Variants in NTNG1 observed in about 807,000 individuals in gnomAD.
NTNG1 encodes the protein netrin G1.
NTNG1 carries 16 observed loss-of-function variants against 54.0 expected under a neutral mutation model. The observed-to-expected ratio is 0.30, with a 90% confidence interval of 0.20 to 0.45. The LOEUF (loss-of-function observed/expected upper bound fraction) is 0.45, where lower values mean the gene tolerates loss of function less well. Among genes scored for constraint, NTNG1 ranks in the 20% least tolerant of loss-of-function variants. The pLI, the probability that NTNG1 is intolerant of heterozygous loss-of-function variation, is 1.00. For missense variants in NTNG1, 530 were observed against 678.7 expected (o/e 0.78, Z 2.43); for synonymous variants, 255 against 263.1 (o/e 0.97, Z 0.30).
intron 2 of NTNG1, among the ~76,000 whole-genome samples, chr1:107,243,754 T>C (rs1661997100): frequency 6.6e-6 from 1 of 152,116 alleles, no homozygotes; most frequent in South Asian, 2.1e-4. Flanking sequence ...AGGAGCTATG[T>C]CTCAACAGAC....
intron 2 of NTNG1, among the ~76,000 whole-genome samples, chr1:107,249,052 G>C (rs72983527): frequency 0.26 from 38,985 of 150,708 alleles, 5,260 homozygotes; most frequent in East Asian, 0.42. Context: ...TCAGCTTCTT[G>C]GGAGGCTGAG....
intron 2 of NTNG1, among the ~76,000 whole-genome samples, chr1:107,210,450 C>T (rs962464902): frequency 6.6e-6 from 1 of 152,176 alleles, no homozygotes; most frequent in East Asian, 1.9e-4. Flanking sequence ...TTGGGCCACT[C>T]GAGGATGAAG....
At chr1:107,375,327 T>G (rs1040957668) in intron 3 of NTNG1, among the ~76,000 whole-genome samples, 11 of 152,202 alleles carry the variant, frequency 7.2e-5, no homozygotes, top group Non-Finnish European at 7.3e-5. Flanking sequence ...CTCATCTCAT[T>G]TGTTTTCTGC....
At chr1:107,239,831 A>G (rs1048070173) in intron 2 of NTNG1, among the ~76,000 whole-genome samples, 1 of 152,224 alleles carries the variant, frequency 6.6e-6, no homozygotes, top group African/African-American at 2.4e-5. Flanking sequence ...GGATCTCAAT[A>G]TGAAATGAAT....
chr1:107,148,404 A>G lies in NTNG1; in HGVS notation c.-190A>G. 1.7e-6 allele frequency: 1 copy of G among 581,384 alleles called. No individual in the cohort carries two copies. 36.0% of individuals were successfully genotyped at this position (581,384 alleles called of 1,614,324 possible). A position where few individuals can be genotyped will look rare whatever the true frequency, so the allele number is the denominator to read the frequency against. On this transcript the variant is annotated 5_prime_UTR_variant, in exon 2 of 8. Transcript: ENST00000370068. ...TCCTCAATATACCTGAATACGCACA[A>G]TATCTTAACTCTTCATATTTGGTTT...
chr1:107,217,126 G>T (rs552576701), intron 2 of NTNG1, among the ~76,000 whole-genome samples: 1 of 149,404 alleles, frequency 6.7e-6, no homozygotes, highest in South Asian at 2.1e-4. Flanking sequence ...TCTGCTGCTT[G>T]TTATTGGTCT....
At chr1:107,472,466 C>T (rs1678045938) in intron 7 of NTNG1, among the ~76,000 whole-genome samples, 1 of 152,200 alleles carries the variant, frequency 6.6e-6, no homozygotes, top group African/African-American at 2.4e-5. Context: ...TCATGTGCAG[C>T]TCCACTGTGG....
At chr1:107,297,156 ACAT>A (rs1424330161) in intron 2 of NTNG1, among the ~76,000 whole-genome samples, 5 of 144,854 alleles carry the variant, frequency 3.5e-5, no homozygotes, top group African/African-American at 1.3e-4. Context: ...TATATATATA[ACAT>A]CATATATATA....
At chr1:107,150,665 G>A (rs1654494931) in intron 2 of NTNG1, among the ~76,000 whole-genome samples, 1 of 152,098 alleles carries the variant, frequency 6.6e-6, no homozygotes, top group Admixed American at 6.6e-5. Context: ...TGATTTGTGG[G>A]TGCAGCTTCC....
At chr1:107,373,560 G>A (rs866037730) in intron 3 of NTNG1, among the ~76,000 whole-genome samples, 1 of 143,846 alleles carries the variant, frequency 7.0e-6, no homozygotes, top group Non-Finnish European at 1.5e-5. Context: ...GCAGAATTCC[G>A]TATGTTATCC....
rs565397591 is a variant in NTNG1 at position 107,301,009 on chromosome 1, G to T, written c.247-23273G>T. Among the ~76,000 whole-genome samples, 7 of 151,712 alleles carry T rather than the reference G, an allele frequency of 4.6e-5. No individual in the cohort carries two copies. In the East Asian group the frequency reaches 1.4e-3, roughly 29 times the overall value. ...TCTTTTTTTCTACCTAAAAGCTTAT[G>T]ACTTTTTGACATCAGTACTTTATTT... is the stretch of plus-strand genomic sequence containing the variant. On this transcript the variant is annotated intron_variant, in intron 2 of 7. Coordinates refer to ENST00000370068, the MANE Select transcript of NTNG1 (RefSeq NM_001113226.3).
At chr1:107,295,940 T>C (rs1415221067) in intron 2 of NTNG1, among the ~76,000 whole-genome samples, 1 of 152,126 alleles carries the variant, frequency 6.6e-6, no homozygotes, top group Non-Finnish European at 1.5e-5. Flanking sequence ...CAGTCTCTTG[T>C]AACTTCATAT....
At chr1:107,184,462 C>A (rs1444262377) in intron 2 of NTNG1, among the ~76,000 whole-genome samples, 3 of 152,120 alleles carry the variant, frequency 2.0e-5, no homozygotes, top group African/African-American at 7.2e-5. Flanking sequence ...GTAGTTTTCT[C>A]ACCCTGCTTC....
At chr1:107,424,541 G>C (rs1674769169) in intron 5 of NTNG1, among the ~76,000 whole-genome samples, 1 of 152,132 alleles carries the variant, frequency 6.6e-6, no homozygotes, top group Admixed American at 6.6e-5. Context: ...CAGAAGAACA[G>C]TTTGGGGATG....
chr1:107,210,140 G>A (rs993476242), intron 2 of NTNG1, among the ~76,000 whole-genome samples: 3 of 152,036 alleles, frequency 2.0e-5, no homozygotes, highest in African/African-American at 7.2e-5. Flanking sequence ...CACTGCTCAA[G>A]GATATTGGAG....
chr1:107,297,216 C>CTATATATATAT (rs1666017468), intron 2 of NTNG1, among the ~76,000 whole-genome samples: 1 of 15,492 alleles, frequency 6.5e-5, no homozygotes, highest in Non-Finnish European at 1.6e-4. Flanking sequence ...TATATACCAT[C>CTATATATATAT]ATATATATAT....
Position 107,472,735 on chromosome 1 carries a change from T to TTTGTTTTG in NTNG1, c.1391-7873_1391-7866dup, listed in dbSNP as rs573220786. The stretch of plus-strand genomic sequence containing the variant: ...GGGAAGAAAAAAGGTTTTTTTTTGT[T>TTTGTTTTG]TTGTTTTGTTTTTTTGTGGGGCGGG... On this transcript the variant is annotated intron_variant, in intron 7 of 7. Transcript: ENST00000370068. 2.5e-4 allele frequency among the ~76,000 whole-genome samples: 38 copies of TTTGTTTTG among 152,304 alleles called. 1 individual carries two copies. In the South Asian group the frequency reaches 7.7e-3, roughly 31 times the overall value.
At chr1:107,286,488 G>T (rs888534783) in intron 2 of NTNG1, among the ~76,000 whole-genome samples, 1 of 152,090 alleles carries the variant, frequency 6.6e-6, no homozygotes, top group African/African-American at 2.4e-5. Flanking sequence ...ATTAATGAAC[G>T]CCGTGGAGGA....
intron 7 of NTNG1, among the ~76,000 whole-genome samples, chr1:107,474,702 G>A (rs1428380170): frequency 2.0e-5 from 3 of 152,166 alleles, no homozygotes; most frequent in Non-Finnish European, 4.4e-5. Flanking sequence ...CCATAACATG[G>A]CAGAAGGCAT....
Sources: gnomAD v4.1 joint callset for allele counts (sites outside exome capture counted in the v4.1 genomes callset) on GRCh38, gnomAD v4.1.1 for gene constraint, MANE v1.5 for transcripts, NCBI Gene and HGNC (gene_info 2026-07-23, HGNC 2026-07-21) for gene names.